The following PARN variants were observed in gnomAD, a reference collection of about 807,000 sequenced individuals.
The protein encoded by PARN is poly(A)-specific ribonuclease, also known as poly(A)-specific ribonuclease PARN.
PARN carries 71 observed loss-of-function variants against 102.8 expected under a neutral mutation model. The observed-to-expected ratio is 0.69, with a 90% confidence interval of 0.57 to 0.84. The LOEUF (loss-of-function observed/expected upper bound fraction) is 0.84. Ranked by LOEUF, PARN falls within the 40% of genes least tolerant of loss-of-function variation. The pLI is 0.00. For missense variants in PARN, 782 were observed against 760.9 expected (o/e 1.03, Z -0.33); for synonymous variants, 261 against 252.9 (o/e 1.03, Z -0.30).
At chr16:14,523,920 C>T (rs1285501254) in intron 21 of PARN, among the ~76,000 whole-genome samples, 1 of 151,774 alleles carries the variant, frequency 6.6e-6, no homozygotes, top group Non-Finnish European at 1.5e-5. Flanking sequence ...CACGCCTGGG[C>T]TATACAGTAT....
At chr16:14,609,565 T>C (rs1478616077) in intron 7 of PARN, among the ~76,000 whole-genome samples, 1 of 152,180 alleles carries the variant, frequency 6.6e-6, no homozygotes, top group Non-Finnish European at 1.5e-5. Flanking sequence ...AACGAGACCC[T>C]GTCTCAAAAA....
intron 21 of PARN, among the ~76,000 whole-genome samples, chr16:14,527,969 C>A (rs1966097345): frequency 6.6e-6 from 1 of 152,168 alleles, no homozygotes; most frequent in African/African-American, 2.4e-5. Flanking sequence ...AAAATTTTCC[C>A]AACCTGCATA....
At position 14,593,334 on chromosome 16, in the gene PARN, G is replaced by T; in HGVS notation, c.885C>A (p.His295Gln). The T allele has an allele frequency of 6.2e-7, 1 of 1,607,332 alleles. No homozygotes were observed. Residue 295 changes from histidine (H) to glutamine (Q), a missense_variant, in exon 13 of 24, where the codon CAC (histidine) becomes CAA (glutamine). Physicochemically the swap from His to Gln is conservative, Grantham distance 24 (BLOSUM62 0). Transcript: ENST00000437198. ...IGHNMLLDVM[H>Q]TVHQFYCPLP... Reference sequence around the variant, plus strand: ...GAGGGCAGTAGAACTGATGAACTGTGTGCATGACGTCCAAGAGCATATTGT... The same window carrying T: ...GAGGGCAGTAGAACTGATGAACTGTTTGCATGACGTCCAAGAGCATATTGT...
chr16:14,605,947 A>G (rs2151790200), intron 10 of PARN, among the ~76,000 whole-genome samples: 1 of 152,304 alleles, frequency 6.6e-6, no homozygotes, highest in African/African-American at 2.4e-5. Flanking sequence ...ACTTCCACTT[A>G]CCCACGGTAT....
chr16:14,578,783 T>C (rs1191412032), intron 18 of PARN, among the ~76,000 whole-genome samples: 1 of 151,960 alleles, frequency 6.6e-6, no homozygotes, highest in Non-Finnish European at 1.5e-5. Flanking sequence ...ACCAAAAAAA[T>C]AATCACAGAA....
At chr16:14,519,486 G>C (rs999239216) in intron 21 of PARN, among the ~76,000 whole-genome samples, 2 of 152,120 alleles carry the variant, frequency 1.3e-5, no homozygotes, top group Non-Finnish European at 2.9e-5. Context: ...AAAGGAACCA[G>C]AGCTCTTTGT....
chr16:14,487,676 GA>G lies in PARN; in HGVS notation c.1481-4850del, dbSNP rs964080063. On this transcript the variant is annotated intron_variant, in intron 21 of 23. Transcript: ENST00000437198. The stretch of plus-strand genomic sequence containing the variant: ...AAATATTGAAAAAAATTAAAAGTAA[GA>G]AAAAAAAATCTCGGTAGAAAACAAC... Among the ~76,000 whole-genome samples, 3 of 151,626 alleles carry G rather than the reference GA, an allele frequency of 2.0e-5. No homozygotes were observed. In the East Asian group the frequency reaches 5.8e-4, roughly 29 times the overall value.
In PARN at chr16:14,493,655, T is replaced by C. The variant is rs554332447; in HGVS notation, c.1481-10828A>G. 1.6e-4 allele frequency among the ~76,000 whole-genome samples: 24 copies of C among 152,200 alleles called. 1 individual carries two copies. In the South Asian group the frequency reaches 3.1e-3, roughly 20 times the overall value. On this transcript the variant is annotated intron_variant, in intron 21 of 23. Coordinates refer to ENST00000437198, the MANE Select transcript of PARN (RefSeq NM_002582.4). ...GGTAGAGCAACACCAAGTAGGCAGG[T>C]ATCTAGGTGGGAAATGATAATCTCA...
chr16:14,460,099 C>T (rs1961882174), intron 22 of PARN, among the ~76,000 whole-genome samples: 3 of 152,002 alleles, frequency 2.0e-5, no homozygotes, highest in African/African-American at 4.8e-5. Flanking sequence ...ATATAAGAAG[C>T]GTAAGCCATA....
Position 14,608,334 on chromosome 16 carries a change from G to C in PARN, c.621-15C>G. The C allele has an allele frequency of 6.7e-7, 1 of 1,500,956 alleles. No homozygotes were observed. The highest frequency in any genetic ancestry group is 9.0e-7 in the Non-Finnish European group (1 of 1,106,074). The allele number at this position is 1,500,956 out of a possible 1,614,324, so 93.0% of individuals were successfully genotyped here. A position where few individuals can be genotyped will look rare whatever the true frequency, so the allele number is the denominator to read the frequency against. ...TTCTTTGGAACCTATAAAAACAAAAGAAAAGGTATTGATTTTGGCTCATTA... is the reference window on the plus strand; with the variant it reads ...TTCTTTGGAACCTATAAAAACAAAACAAAAGGTATTGATTTTGGCTCATTA... On this transcript the variant is annotated splice_polypyrimidine_tract_variant and intron_variant, in intron 8 of 23. Coordinates refer to ENST00000437198, the MANE Select transcript of PARN (RefSeq NM_002582.4).
At chr16:14,592,587 T>C (rs1415301622) in intron 13 of PARN, among the ~76,000 whole-genome samples, 1 of 152,152 alleles carries the variant, frequency 6.6e-6, no homozygotes, top group African/African-American at 2.4e-5. Context: ...AATGCACTAC[T>C]GAGGTCAGCA....
intron 15 of PARN, 143 bp downstream of exon 15, chr16:14,584,606 T>A: frequency 1.3e-6 from 1 of 746,918 alleles, no homozygotes; most frequent in Non-Finnish European, 2.2e-6. Flanking sequence ...ATTTTTATAA[T>A]ATACAAAGTA....
chr16:14,446,208 C>T (rs974032808), intron 23 of PARN, among the ~76,000 whole-genome samples: 2 of 152,144 alleles, frequency 1.3e-5, no homozygotes, highest in Non-Finnish European at 2.9e-5. Context: ...GGCACATCTG[C>T]GGGGTGGAGA....
chr16:14,552,685 A>G (rs949244722), intron 20 of PARN, among the ~76,000 whole-genome samples: 5 of 152,176 alleles, frequency 3.3e-5, no homozygotes, highest in Non-Finnish European at 7.3e-5. Flanking sequence ...GCGGTGGCTC[A>G]CGCCTATAAT....
intron 12 of PARN, among the ~76,000 whole-genome samples, chr16:14,599,037 C>T (rs980560670): frequency 8.6e-5 from 7 of 81,460 alleles, no homozygotes; most frequent in Admixed American, 6.4e-4. Flanking sequence ...TTCTCCTCTT[C>T]TTTTTTTTTT....
In PARN at chr16:14,578,380, C is replaced by T. The variant is rs528323328; in HGVS notation, c.1262+2494G>A. Among the ~76,000 whole-genome samples the T allele has an allele frequency of 1.7e-3, 253 of 147,262 alleles. 1 individual carries two copies. The highest frequency in any genetic ancestry group is 3.7e-3 in the Middle Eastern group (1 of 270). ...GGAATAAAAACAGTTCTTGGCTAGG[C>T]GCGGTGACTAACGTCTGTAACTCCA... On this transcript the variant is annotated intron_variant, in intron 18 of 23. Coordinates refer to ENST00000437198, the MANE Select transcript of PARN (RefSeq NM_002582.4).
At chr16:14,451,843 TAAAAAAAAAAAAAAAAAAAAAAATACAAA>T (rs775004003) in intron 22 of PARN, among the ~76,000 whole-genome samples, 14,098 of 54,490 alleles carry the variant, frequency 0.26, 630 homozygotes, top group South Asian at 0.37. Context: ...ACCCCGTCTC[TAAAAAAAAAAAAAAAAAAAAAAATACAAA>T]AAAAAAAAAA....
At chr16:14,508,905 T>A (rs934403993) in intron 21 of PARN, among the ~76,000 whole-genome samples, 8 of 149,422 alleles carry the variant, frequency 5.4e-5, no homozygotes, top group East Asian at 3.9e-4. Context: ...TAATTTAAAA[T>A]ATATATATAT....
chr16:14,545,466 A>G (rs1966882347), intron 21 of PARN, among the ~76,000 whole-genome samples: 1 of 151,830 alleles, frequency 6.6e-6, no homozygotes, highest in Non-Finnish European at 1.5e-5. Context: ...AAACTTTTCC[A>G]ACTTAATGAT....
Sources: gnomAD v4.1 joint callset for allele counts (sites outside exome capture counted in the v4.1 genomes callset) on GRCh38, gnomAD v4.1.1 for gene constraint, MANE v1.5 for transcripts, NCBI Gene and HGNC (gene_info 2026-07-23, HGNC 2026-07-21) for gene names.